The following NAV3 variants were observed in gnomAD, a reference collection of about 807,000 sequenced individuals.
NAV3 encodes neuron navigator 3.
A neutral mutation model predicts 244.7 loss-of-function variants in NAV3; 87 were observed. The ratio of observed to expected loss-of-function variants is 0.36; its 90% CI spans 0.30 to 0.42. The LOEUF (loss-of-function observed/expected upper bound fraction) is 0.42, where lower values mean the gene tolerates loss of function less well. NAV3 is among the 20% of genes least tolerant of loss of function. The pLI is 1.00. For missense variants in NAV3, 2,663 were observed against 2,893.3 expected, an observed-to-expected ratio of 0.92 and a Z score of 1.83; for synonymous variants, 1,126 against 1,042.2, an observed-to-expected ratio of 1.08 and a Z score of -1.55.
intron 1 of NAV3, among the ~76,000 whole-genome samples, chr12:77,868,493 C>T (rs1462442138): frequency 6.6e-6 from 1 of 152,032 alleles, no homozygotes; most frequent in African/African-American, 2.4e-5. Flanking sequence ...TTATGGCTCG[C>T]ACCTGCAATC....
chr12:78,020,490 T>G (rs10083178), intron 8 of NAV3, among the ~76,000 whole-genome samples: 9,498 of 152,140 alleles, frequency 0.062, 939 homozygotes, highest in African/African-American at 0.21. Flanking sequence ...ATTATTGGAG[T>G]CCAAGGCACA....
intron 2 of NAV3, among the ~76,000 whole-genome samples, chr12:77,631,770 T>C (rs1871910385): frequency 6.6e-6 from 1 of 152,172 alleles, no homozygotes; most frequent in African/African-American, 2.4e-5. Context: ...TCTAATACAA[T>C]TCAGCTTCAT....
chr12:78,169,958 T>G (rs1428810116), intron 24 of NAV3, among the ~76,000 whole-genome samples: 4 of 151,778 alleles, frequency 2.6e-5, no homozygotes, highest in Non-Finnish European at 2.9e-5. Flanking sequence ...ATTCACTCTT[T>G]TGTATCCATT....
intron 7 of NAV3, among the ~76,000 whole-genome samples, chr12:78,003,622 C>G (rs1194271576): frequency 6.6e-6 from 1 of 152,236 alleles, no homozygotes; most frequent in African/African-American, 2.4e-5. Context: ...GGTGCTAACT[C>G]TACAGCTAAC....
chr12:77,787,415 T>A (rs548264602), intron 2 of NAV3, among the ~76,000 whole-genome samples: 1 of 152,328 alleles, frequency 6.6e-6, no homozygotes, highest in South Asian at 2.1e-4. Flanking sequence ...GAAAGAGGTT[T>A]AATTGACTCT....
intron 1 of NAV3, among the ~76,000 whole-genome samples, chr12:77,898,260 A>G (rs920354388): frequency 5.9e-5 from 9 of 152,168 alleles, no homozygotes; most frequent in African/African-American, 2.2e-4. Context: ...ATATCATCGA[A>G]CTTGTCAAAC....
At chr12:77,686,814 C>G (rs1418139181) in intron 2 of NAV3, among the ~76,000 whole-genome samples, 1 of 152,124 alleles carries the variant, frequency 6.6e-6, no homozygotes, top group Non-Finnish European at 1.5e-5. Flanking sequence ...TAACACCTTT[C>G]CAAATCAAAG....
intron 18 of NAV3, among the ~76,000 whole-genome samples, chr12:78,131,294 A>C (rs368334709): frequency 4.8e-4 from 73 of 152,316 alleles, no homozygotes; most frequent in African/African-American, 1.7e-3. Flanking sequence ...CATATAAGCT[A>C]ATGATTTCAT....
At chr12:77,821,192 G>A (rs1263299247) in intron 2 of NAV3, among the ~76,000 whole-genome samples, 3 of 151,940 alleles carry the variant, frequency 2.0e-5, no homozygotes. Flanking sequence ...GCTATTGATG[G>A]GGTAGCTTTT....
intron 13 of NAV3, among the ~76,000 whole-genome samples, chr12:78,117,512 ATAG>A (rs1955472962): frequency 6.8e-6 from 1 of 147,888 alleles, no homozygotes; most frequent in African/African-American, 2.5e-5. Flanking sequence ...TATTAATATA[ATAG>A]TAACATATCA....
chr12:77,884,225 G>A (rs1360018660), intron 1 of NAV3, among the ~76,000 whole-genome samples: 1 of 152,128 alleles, frequency 6.6e-6, no homozygotes, highest in Non-Finnish European at 1.5e-5. Flanking sequence ...GAGGGAAGGA[G>A]GGAGGGAATG....
intron 8 of NAV3, among the ~76,000 whole-genome samples, chr12:78,016,252 C>T (rs1876191489): frequency 6.6e-6 from 1 of 151,998 alleles, no homozygotes; most frequent in Non-Finnish European, 1.5e-5. Context: ...TATGCATACA[C>T]ACACATACAT....
At chr12:77,657,909 C>G (rs1041128987) in intron 2 of NAV3, among the ~76,000 whole-genome samples, 20 of 151,624 alleles carry the variant, frequency 1.3e-4, no homozygotes, top group South Asian at 4.2e-4. Flanking sequence ...ATTCAACAAC[C>G]CTTCATGCTA....
chr12:77,650,656 A>G (rs1387161493), intron 2 of NAV3, among the ~76,000 whole-genome samples: 1 of 152,148 alleles, frequency 6.6e-6, no homozygotes, highest in Admixed American at 6.6e-5. Context: ...CAATTTAAAA[A>G]CTATGTATAT....
At chr12:78,111,348 G>C (rs550390531) in intron 12 of NAV3, among the ~76,000 whole-genome samples, 1 of 152,154 alleles carries the variant, frequency 6.6e-6, no homozygotes, top group South Asian at 2.1e-4. Context: ...TCTTGTTTAT[G>C]TTAATGCCAT....
At position 78,140,486 on chromosome 12, in the gene NAV3, CA is replaced by C. The variant is rs1956561062; in HGVS notation, c.4683+154del. On this transcript the variant is annotated intron_variant, in intron 20 of 39. Coordinates refer to ENST00000397909, the MANE Select transcript of NAV3 (RefSeq NM_001024383.2). ...GGCATACTCTAAGCTGCCCAATACC[CA>C]ATAAAGTGCCAGGTGCTCCACCTGC... 1.1e-5 allele frequency: 7 copies of C among 664,626 alleles called. No homozygotes were observed. The East Asian group carries it at 1.9e-4, about 18-fold the overall frequency. The allele number at this position is 664,626 out of a possible 1,614,324, so 41.2% of individuals were successfully genotyped here.
chr12:78,068,639 A>C (rs1218607501), intron 12 of NAV3, among the ~76,000 whole-genome samples: 1 of 147,390 alleles, frequency 6.8e-6, no homozygotes, highest in East Asian at 1.9e-4. Context: ...ATAATTACAT[A>C]TATATAATTT....
intron 2 of NAV3, among the ~76,000 whole-genome samples, chr12:77,814,245 A>C (rs1872433805): frequency 6.6e-6 from 1 of 151,950 alleles, no homozygotes. Context: ...TCGTATGTGG[A>C]GAAAAAAAAA....
intron 2 of NAV3, among the ~76,000 whole-genome samples, chr12:77,717,717 A>G (rs988224182): frequency 2.0e-5 from 3 of 151,968 alleles, no homozygotes; most frequent in African/African-American, 2.4e-5. Flanking sequence ...TCCCACCAAG[A>G]GCACACAAGA....
Sources: gnomAD v4.1 joint callset for allele counts (sites outside exome capture counted in the v4.1 genomes callset) on GRCh38, gnomAD v4.1.1 for gene constraint, MANE v1.5 for transcripts, NCBI Gene and HGNC (gene_info 2026-07-23, HGNC 2026-07-21) for gene names.